Variants in GMNC observed in about 807,000 individuals in gnomAD.
GMNC encodes geminin coiled-coil domain containing.
GMNC carries 16 observed loss-of-function variants against 33.6 expected under a neutral mutation model. The observed-to-expected ratio is 0.48, with a 90% confidence interval of 0.32 to 0.72. GMNC has a LOEUF of 0.72. GMNC is among the 30% of genes least tolerant of loss of function. The pLI is 0.03. For missense variants in GMNC, 393 were observed against 388.9 expected, an observed-to-expected ratio of 1.01 and a Z score of -0.09; for synonymous variants, 156 against 147.3, an observed-to-expected ratio of 1.06 and a Z score of -0.43.
the GMNC span, among the ~76,000 whole-genome samples, chr3:190,844,235 C>T: frequency 2.0e-5 from 3 of 151,976 alleles, no homozygotes; most frequent in African/African-American, 7.2e-5. Flanking sequence ...TAGCTTTTCT[C>T]CAAATTGTTT....
At chr3:190,857,353 A>T (rs1250284146) in intron 4 of GMNC, among the ~76,000 whole-genome samples, 1 of 152,064 alleles carries the variant, frequency 6.6e-6, no homozygotes, top group African/African-American at 2.4e-5. Flanking sequence ...CAGAATTTTT[A>T]AAAGATATTT....
chr3:190,856,888 G>T (rs1490671610), intron 4 of GMNC, among the ~76,000 whole-genome samples: 8 of 151,682 alleles, frequency 5.3e-5, no homozygotes, highest in Non-Finnish European at 1.2e-4. Flanking sequence ...GGTGGCTGGA[G>T]TTAGGAGCCC....
intron 3 of GMNC, among the ~76,000 whole-genome samples, chr3:190,858,697 G>A (rs1269855823): frequency 3.3e-5 from 5 of 152,210 alleles, no homozygotes; most frequent in African/African-American, 4.8e-5. Context: ...AGGTCATACG[G>A]CTAAAATGTG....
downstream of GMNC, among the ~76,000 whole-genome samples, chr3:190,851,989 CA>C (rs1737642431): frequency 6.7e-6 from 1 of 149,122 alleles, no homozygotes; most frequent in African/African-American, 2.5e-5. Flanking sequence ...GTTTATAGAA[CA>C]AAAAACAGAT....
At chr3:190,843,990 G>T in the GMNC span, among the ~76,000 whole-genome samples, 1 of 152,106 alleles carries the variant, frequency 6.6e-6, no homozygotes, top group Admixed American at 6.5e-5. Flanking sequence ...TTAATAGAAG[G>T]ATTTGAATAA....
intron 4 of GMNC, among the ~76,000 whole-genome samples, chr3:190,856,130 A>G (rs927276844): frequency 2.0e-5 from 3 of 151,278 alleles, no homozygotes; most frequent in Non-Finnish European, 4.4e-5. Context: ...ACCAGATGAT[A>G]TTTTTAAGAT....
Position 190,861,764 on chromosome 3 carries a change from TTCCATACG to T in GMNC, c.3+841_3+848del, listed in dbSNP as rs1364792087. Among the ~76,000 whole-genome samples, 1 of 152,118 alleles carries T rather than the reference TTCCATACG, an allele frequency of 6.6e-6. No individual in the cohort carries two copies. The highest frequency in any genetic ancestry group is 1.5e-5 in the Non-Finnish European group (1 of 68,036). On this transcript the variant is annotated intron_variant, in intron 1 of 4. Transcript: ENST00000442080. The surrounding 1 kb of genome is among the most constrained non-coding windows in gnomAD (Gnocchi z 5.1). ...TTCTTGAACCTCAAACACACAGTCT[TTCCATACG>T]TCCAGGCAGGGGCAGGTATGCAGCC... is the stretch of plus-strand genomic sequence containing the variant.
At chr3:190,852,627 G>C (rs1289156299), downstream of GMNC, among the ~76,000 whole-genome samples, 4 of 152,072 alleles carry the variant, frequency 2.6e-5, no homozygotes, top group Non-Finnish European at 5.9e-5. Flanking sequence ...ATGCCCTAGA[G>C]AAGGGAAAGA....
chr3:190,847,686 T>A, the GMNC span, among the ~76,000 whole-genome samples: 1 of 151,842 alleles, frequency 6.6e-6, no homozygotes, highest in Non-Finnish European at 1.5e-5. Context: ...TTTCTTGCCA[T>A]CATTCCTCAT....
At chr3:190,852,606 G>A (rs550510380), downstream of GMNC, among the ~76,000 whole-genome samples, 17 of 152,180 alleles carry the variant, frequency 1.1e-4, no homozygotes, top group South Asian at 1.2e-3. Flanking sequence ...ACATTCGAAA[G>A]CCTCATTAAT....
At position 190,857,831 on chromosome 3, in the gene GMNC, T is replaced by C; in HGVS notation, c.336A>G (p.Arg112=). Residue 112 remains arginine, a synonymous_variant, in exon 4 of 5, where the codon AGA becomes AGG. Coordinates refer to ENST00000442080, the MANE Select transcript of GMNC (RefSeq NM_001146686.3). ...TAACCAAAGCAGAATTCAGGTATTG[T>C]CTGAGGTGATTATTCTCTTCGTGTA... is the stretch of plus-strand genomic sequence containing the variant. ...ARLHEENNHL[R]QYLNSALVKC... is the part of the protein sequence containing the mutation. 2.6e-6 allele frequency: 4 copies of C among 1,550,890 alleles called. No homozygotes were observed. The highest frequency in any genetic ancestry group is 3.5e-6 in the Non-Finnish European group (4 of 1,146,218).
downstream of GMNC, among the ~76,000 whole-genome samples, chr3:190,847,985 C>T (rs1254372730): frequency 3.9e-5 from 6 of 152,174 alleles, no homozygotes; most frequent in Admixed American, 3.9e-4. Flanking sequence ...ATTTTCACTA[C>T]GTACATTCCC....
the GMNC span, among the ~76,000 whole-genome samples, chr3:190,846,230 C>CA: frequency 0.059 from 8,796 of 149,228 alleles, 296 homozygotes; most frequent in East Asian, 0.16. Context: ...CACATCTCAA[C>CA]AAAAAAAGAG....
At chr3:190,856,009 A>C (rs1008634061) in intron 4 of GMNC, 94 bp from the exon 5 acceptor site, 10 of 908,214 alleles carry the variant, frequency 1.1e-5, no homozygotes, top group African/African-American at 5.1e-5. Context: ...CTCTTCACAC[A>C]AGTAAGATGG....
In GMNC at chr3:190,855,374, G is replaced by A. The variant is rs1353542441; in HGVS notation, c.926C>T (p.Ser309Phe). Residue 309 changes from serine to phenylalanine, a missense_variant, in exon 5 of 5, where the codon TCC becomes TTC. Physicochemically the swap from Ser to Phe is radical, Grantham distance 155 (BLOSUM62 -2). Coordinates refer to ENST00000442080, the MANE Select transcript of GMNC (RefSeq NM_001146686.3). ...LSPHCNVKTH[S>F]FHQGQAFVRR... is the part of the protein sequence containing the mutation. ...CACAAAGGCTTGTCCCTGGTGGAAG[G>A]AATGAGTTTTCACATTACAATGAGG... is the stretch of plus-strand genomic sequence containing the variant. 1.9e-6 allele frequency: 3 copies of A among 1,551,778 alleles called. No individual in the cohort carries two copies. Among genetic ancestry groups the A allele is most frequent in the Non-Finnish European group, 2.6e-6 (3 of 1,146,948 alleles).
Position 190,861,008 on chromosome 3 carries a change from T to G in GMNC, c.4-150A>C, listed in dbSNP as rs139685209. The G allele has an allele frequency of 1.6e-5, 9 of 560,420 alleles. No individual in the cohort carries two copies. The highest frequency in any genetic ancestry group is 9.5e-5 in the African/African-American group (5 of 52,682). 34.7% of individuals were successfully genotyped at this position (560,420 alleles called of 1,614,324 possible). Reference sequence around the variant, plus strand: ...AAAAGGTGTTAAGTATAGATCCATATTAATTTTGGGGTGGTCAAATTATAA... The same window carrying G: ...AAAAGGTGTTAAGTATAGATCCATAGTAATTTTGGGGTGGTCAAATTATAA... On this transcript the variant is annotated intron_variant, in intron 1 of 4. Coordinates refer to ENST00000442080, the MANE Select transcript of GMNC (RefSeq NM_001146686.3). This position sits in a 1 kb window ranked among gnomAD's most constrained non-coding sequence, Gnocchi z 5.1.
In GMNC at chr3:190,855,378, G is replaced by T. The variant is rs1373614261; in HGVS notation, c.922C>A (p.His308Asn). Residue 308 changes from histidine (H) to asparagine (N), a missense_variant, in exon 5 of 5, where the codon CAT (histidine) becomes AAT (asparagine). By Grantham distance (68) the His-to-Asn change is moderately conservative. Transcript: ENST00000442080. ...SLSPHCNVKT[H>N]SFHQGQAFVR... ...AAGGCTTGTCCCTGGTGGAAGGAAT[G>T]AGTTTTCACATTACAATGAGGGCTC... The T allele has an allele frequency of 6.4e-7, 1 of 1,551,834 alleles. No homozygotes were observed. Among genetic ancestry groups the T allele is most frequent in the Non-Finnish European group, 8.7e-7 (1 of 1,146,960 alleles).
downstream of GMNC, among the ~76,000 whole-genome samples, chr3:190,849,201 G>A (rs758682966): frequency 3.9e-5 from 6 of 152,150 alleles, no homozygotes; most frequent in Non-Finnish European, 8.8e-5. Context: ...ACTAGTCATG[G>A]TTCTGAAAAA....
rs1166236177 is a variant in GMNC at position 190,860,621 on chromosome 3, C to T, written c.178+63G>A. ...TTCTAGAGTCCCAGCCCATGATGCT[C>T]CGCAGCCACGGGTATGGAAAAGAGC... is the stretch of plus-strand genomic sequence containing the variant. On this transcript the variant is annotated intron_variant, in intron 2 of 4. Coordinates refer to ENST00000442080, the MANE Select transcript of GMNC (RefSeq NM_001146686.3). The T allele has an allele frequency of 1.4e-5, 20 of 1,409,256 alleles. No individual in the cohort carries two copies. In the Middle Eastern group the frequency reaches 7.6e-4, roughly 53 times the overall value. 87.3% of individuals were successfully genotyped at this position (1,409,256 alleles called of 1,614,324 possible).
Sources: allele counts gnomAD v4.1 joint callset (sites outside exome capture counted in the v4.1 genomes callset), GRCh38; gene constraint gnomAD v4.1.1; non-coding constraint Gnocchi (gnomAD v3.1); transcripts MANE v1.5; gene names NCBI Gene and HGNC (gene_info 2026-07-23, HGNC 2026-07-21).